Variants in TRIM5 observed in about 807,000 individuals in gnomAD.
The protein encoded by TRIM5 is tripartite motif containing 5.
A neutral mutation model predicts 35.6 loss-of-function variants in TRIM5; 31 were observed. The observed-to-expected ratio is 0.87, with a 90% CI of 0.65 to 1.18. TRIM5 has a LOEUF of 1.18. TRIM5 is among the 50% of genes most tolerant of loss of function. The pLI is 0.00. For missense variants in TRIM5, 609 were observed against 591.6 expected (o/e 1.03, Z -0.31); for synonymous variants, 243 against 215.6 (o/e 1.13, Z -1.11).
the TRIM5 span, among the ~76,000 whole-genome samples, chr11:5,652,222 G>C: frequency 6.6e-6 from 1 of 151,956 alleles, no homozygotes; most frequent in African/African-American, 2.4e-5. Flanking sequence ...TGGAGTCTTT[G>C]TCATGACATC....
chr11:5,657,813 A>C, the TRIM5 span, among the ~76,000 whole-genome samples: 2 of 149,684 alleles, frequency 1.3e-5, no homozygotes, highest in Non-Finnish European at 3.0e-5. Context: ...ACAGAGTTTC[A>C]CCATGTTGGC....
the TRIM5 span, chr11:5,612,947 A>T: frequency 6.6e-6 from 1 of 152,172 alleles, no homozygotes; most frequent in Admixed American, 6.5e-5. Flanking sequence ...TATGTTATTC[A>T]TTTTACCTGT....
chr11:5,594,773 T>C, the TRIM5 span, among the ~76,000 whole-genome samples: 1 of 152,148 alleles, frequency 6.6e-6, no homozygotes, highest in Admixed American at 6.5e-5. Context: ...TCTAACCCTC[T>C]GGGTGTCAAT....
chr11:5,627,923 A>G, the TRIM5 span, among the ~76,000 whole-genome samples: 1 of 152,222 alleles, frequency 6.6e-6, no homozygotes, highest in Non-Finnish European at 1.5e-5. Context: ...TTGCATTATC[A>G]TATCCAGATG....
the TRIM5 span, chr11:5,645,567 T>A: frequency 6.5e-6 from 1 of 152,802 alleles, no homozygotes; most frequent in Admixed American, 6.5e-5. Context: ...ACCACAATAA[T>A]AAAATGATGT....
chr11:5,603,455 T>G, the TRIM5 span: 1 of 1,613,946 alleles, frequency 6.2e-7, no homozygotes, highest in Non-Finnish European at 8.5e-7. Context: ...GAATCAGTGA[T>G]TGGTCAAGAA....
chr11:5,632,348 T>C, the TRIM5 span: 1 of 1,614,042 alleles, frequency 6.2e-7, no homozygotes, highest in Admixed American at 1.7e-5. Context: ...TCAAAAATCT[T>C]GCTTAACGTA....
At chr11:5,651,614 G>A in the TRIM5 span, among the ~76,000 whole-genome samples, 3 of 152,188 alleles carry the variant, frequency 2.0e-5, no homozygotes, top group African/African-American at 7.2e-5. Context: ...ACAGGTGCAT[G>A]TGTCTTTATG....
At chr11:5,589,451 A>C in the TRIM5 span, 1 of 152,008 alleles carries the variant, frequency 6.6e-6, no homozygotes, top group Admixed American at 6.6e-5. Flanking sequence ...ACTTGTTTTC[A>C]TCTCTTTGTA....
the TRIM5 span, among the ~76,000 whole-genome samples, chr11:5,594,665 A>G: frequency 6.6e-6 from 1 of 152,040 alleles, no homozygotes; most frequent in Non-Finnish European, 1.5e-5. Flanking sequence ...TGCTGACAAG[A>G]CTATGGAGCC....
At chr11:5,598,841 T>C in the TRIM5 span, among the ~76,000 whole-genome samples, 26 of 152,218 alleles carry the variant, frequency 1.7e-4, no homozygotes, top group Non-Finnish European at 3.4e-4. Context: ...ATTGTAAGCA[T>C]ACAGTTCTGT....
the TRIM5 span, chr11:5,605,338 A>G: frequency 6.2e-7 from 1 of 1,614,084 alleles, no homozygotes; most frequent in Non-Finnish European, 8.5e-7. Flanking sequence ...TTCCTGAAGA[A>G]TCAGATGGAG....
chr11:5,639,525 T>A, the TRIM5 span, among the ~76,000 whole-genome samples: 49,055 of 150,820 alleles, frequency 0.33, 8,922 homozygotes, highest in East Asian at 0.62. Context: ...CTAAAAATAT[T>A]AAAAATTAGC....
At chr11:5,613,346 G>T in the TRIM5 span, among the ~76,000 whole-genome samples, 4 of 152,340 alleles carry the variant, frequency 2.6e-5, no homozygotes, top group Admixed American at 2.6e-4. Context: ...ATGGTTTGAT[G>T]AAACACTGAT....
the TRIM5 span, chr11:5,590,625 C>T: frequency 6.6e-6 from 1 of 152,178 alleles, no homozygotes; most frequent in African/African-American, 2.4e-5. Context: ...CCTGTCAAAA[C>T]AGACCACTGG....
chr11:5,632,177 GC>G, the TRIM5 span: 1 of 1,505,670 alleles, frequency 6.6e-7, no homozygotes, highest in Non-Finnish European at 8.8e-7. Flanking sequence ...TGCAGTCTCG[GC>G]CAGTCTTTAT....
the TRIM5 span, chr11:5,603,780 G>C: frequency 2.5e-6 from 4 of 1,598,224 alleles, no homozygotes; most frequent in African/African-American, 5.4e-5. Flanking sequence ...CAGGGTCTTT[G>C]GCAGGTTTTA....
chr11:5,684,930 A>T lies in TRIM5; in HGVS notation c.-124T>A, dbSNP rs898734389. 4 of 152,158 alleles carry T rather than the reference A, an allele frequency of 2.6e-5. No homozygotes were observed. The highest frequency in any genetic ancestry group is 9.7e-5 in the African/African-American group (4 of 41,430). 9.4% of individuals were successfully genotyped at this position (152,158 alleles called of 1,614,324 possible). ...TCTGCCCTCCACAAAATCACTCAAT[A>T]CACCTTCAGACACCAGTGCAGAAGT... On this transcript the variant is annotated 5_prime_UTR_variant, in exon 1 of 8. Transcript: ENST00000380034.
At chr11:5,633,873 A>G in the TRIM5 span, 6 of 1,614,022 alleles carry the variant, frequency 3.7e-6, 1 homozygote, top group African/African-American at 1.3e-5. Context: ...GGAAGCTGAC[A>G]TCAGAGAAGA....
Sources: allele counts gnomAD v4.1 joint callset (sites outside exome capture counted in the v4.1 genomes callset), GRCh38; gene constraint gnomAD v4.1.1; transcripts MANE v1.5; gene names NCBI Gene and HGNC (gene_info 2026-07-23, HGNC 2026-07-21).